The following FHIT variants were observed in gnomAD, a reference collection of about 807,000 sequenced individuals.
The protein encoded by FHIT is fragile histidine triad diadenosine triphosphatase.
In FHIT, 19 loss-of-function variants were observed where a neutral mutation model predicts 17.9. That is an observed-to-expected ratio of 1.06 (90% confidence interval 0.74 to 1.56). The LOEUF is 1.56. FHIT is among the 40% of genes most tolerant of loss of function. The pLI, the probability that FHIT is intolerant of heterozygous loss-of-function variation, is 0.00. For missense variants in FHIT, 248 were observed against 189.2 expected (o/e 1.31, Z -1.82); for synonymous variants, 81 against 69.7 (o/e 1.16, Z -0.81).
intron 4 of FHIT, among the ~76,000 whole-genome samples, chr3:60,605,868 A>G (rs575976779): frequency 1.8e-4 from 27 of 152,288 alleles, no homozygotes; most frequent in African/African-American, 6.3e-4. Context: ...GTTATAAGGA[A>G]TTCTCAAACT....
chr3:60,016,764 T>A (rs1482198877), intron 5 of FHIT, among the ~76,000 whole-genome samples: 1 of 152,144 alleles, frequency 6.6e-6, no homozygotes, highest in Non-Finnish European at 1.5e-5. Flanking sequence ...TAGAACAATT[T>A]CTCCACACCT....
At chr3:60,055,159 C>A (rs1490388786) in intron 5 of FHIT, among the ~76,000 whole-genome samples, 1 of 152,156 alleles carries the variant, frequency 6.6e-6, no homozygotes, top group African/African-American at 2.4e-5. Context: ...GAAGGGTACC[C>A]TTGACTGCTC....
chr3:60,379,905 G>C (rs550068187), intron 5 of FHIT, among the ~76,000 whole-genome samples: 1 of 152,206 alleles, frequency 6.6e-6, no homozygotes, highest in African/African-American at 2.4e-5. Flanking sequence ...AGTATCTCTA[G>C]GGCTTCTGTG....
intron 5 of FHIT, among the ~76,000 whole-genome samples, chr3:60,060,349 C>G (rs1040926887): frequency 6.6e-6 from 1 of 152,122 alleles, no homozygotes; most frequent in Admixed American, 6.5e-5. Context: ...GGGGGACTAA[C>G]TAAGGATCAC....
chr3:60,011,153 A>AAT (rs140339034), intron 7 of FHIT, among the ~76,000 whole-genome samples: 1 of 151,972 alleles, frequency 6.6e-6, no homozygotes, highest in Non-Finnish European at 1.5e-5. Flanking sequence ...GCACAATAAT[A>AAT]ATTTTACTAC....
chr3:59,999,192 CT>C (rs1699632651), intron 7 of FHIT, among the ~76,000 whole-genome samples: 1 of 152,008 alleles, frequency 6.6e-6, no homozygotes, highest in Admixed American at 6.6e-5. Flanking sequence ...AGAGAGAGCC[CT>C]GCATATTTTA....
intron 4 of FHIT, among the ~76,000 whole-genome samples, chr3:60,726,869 G>A (rs2041926745): frequency 6.6e-6 from 1 of 152,180 alleles, no homozygotes; most frequent in Non-Finnish European, 1.5e-5. Flanking sequence ...TCCTAATAGT[G>A]TCTCTATATG....
chr3:59,811,932 T>C (rs972970919), intron 8 of FHIT, among the ~76,000 whole-genome samples: 13 of 152,186 alleles, frequency 8.5e-5, no homozygotes, highest in African/African-American at 2.9e-4. Context: ...CCCAGCTGAA[T>C]AGGAAGCCTT....
chr3:60,432,904 CTAG>C (rs1702979894), intron 5 of FHIT, among the ~76,000 whole-genome samples: 1 of 105,980 alleles, frequency 9.4e-6, no homozygotes, highest in African/African-American at 3.2e-5. Flanking sequence ...AAAACATTTG[CTAG>C]AAGAATTGTC....
chr3:60,463,935 A>G (rs1480769081), intron 5 of FHIT, among the ~76,000 whole-genome samples: 1 of 152,224 alleles, frequency 6.6e-6, no homozygotes, highest in Non-Finnish European at 1.5e-5. Context: ...AGAAAATAAC[A>G]ACTACTTTGG....
chr3:60,605,099 A>AAC (rs1445803594), intron 4 of FHIT, among the ~76,000 whole-genome samples: 24 of 152,006 alleles, frequency 1.6e-4, no homozygotes, highest in East Asian at 1.2e-3. Flanking sequence ...TCTATACTCA[A>AAC]ACACACACAC....
At chr3:60,242,112 A>T (rs1253983218) in intron 5 of FHIT, among the ~76,000 whole-genome samples, 1 of 152,116 alleles carries the variant, frequency 6.6e-6, no homozygotes, top group Admixed American at 6.6e-5. Flanking sequence ...AACAACTAAA[A>T]ATATGTATTA....
At chr3:60,507,267 T>C (rs1268619573) in intron 5 of FHIT, among the ~76,000 whole-genome samples, 3 of 151,762 alleles carry the variant, frequency 2.0e-5, no homozygotes, top group African/African-American at 7.3e-5. Context: ...AGAAACAACA[T>C]GCAAAGGCCT....
At chr3:60,089,978 AT>A (rs1172508731) in intron 5 of FHIT, among the ~76,000 whole-genome samples, 17 of 152,230 alleles carry the variant, frequency 1.1e-4, no homozygotes, top group African/African-American at 4.1e-4. Context: ...AACAACAGCC[AT>A]CACTTATGTA....
intron 5 of FHIT, among the ~76,000 whole-genome samples, chr3:60,109,413 A>G (rs1022143352): frequency 2.6e-5 from 4 of 151,326 alleles, no homozygotes; most frequent in Non-Finnish European, 5.9e-5. Flanking sequence ...CTTTTACTCT[A>G]TAAGTGAGTC....
intron 8 of FHIT, among the ~76,000 whole-genome samples, chr3:59,865,520 G>A (rs554567672): frequency 2.0e-5 from 3 of 152,204 alleles, no homozygotes; most frequent in African/African-American, 4.8e-5. Flanking sequence ...CTGAAATAAC[G>A]ACCTCCCCTT....
chr3:60,817,522 C>CA (rs1553738078), intron 4 of FHIT, among the ~76,000 whole-genome samples: 1 of 148,374 alleles, frequency 6.7e-6, no homozygotes, highest in East Asian at 2.0e-4. Flanking sequence ...CAGTGTTTTG[C>CA]TTTTTTTTTT....
At chr3:60,419,956 C>A (rs1702408403) in intron 5 of FHIT, among the ~76,000 whole-genome samples, 1 of 152,134 alleles carries the variant, frequency 6.6e-6, no homozygotes, top group Admixed American at 6.5e-5. Context: ...TAAAACCATT[C>A]ATAATCCCAC....
chr3:61,219,896 A>C (rs1265316324), intron 1 of FHIT, among the ~76,000 whole-genome samples: 1 of 152,204 alleles, frequency 6.6e-6, no homozygotes, highest in Non-Finnish European at 1.5e-5. Flanking sequence ...ACCTGCTTTG[A>C]TGGTGACTCA....
Sources: allele counts gnomAD v4.1 joint callset (sites outside exome capture counted in the v4.1 genomes callset), GRCh38; gene constraint gnomAD v4.1.1; transcripts MANE v1.5; gene names NCBI Gene and HGNC (gene_info 2026-07-23, HGNC 2026-07-21).